Variants in GLIS1 observed in about 807,000 individuals in gnomAD.
GLIS1 encodes zinc finger protein GLIS1.
Under a neutral mutation model 63.8 loss-of-function variants are expected in GLIS1, and 24 were observed. That is an observed-to-expected ratio of 0.38 (90% CI 0.27 to 0.53). GLIS1 has a LOEUF of 0.53. GLIS1 is among the 20% of genes least tolerant of loss of function. The probability of loss-of-function intolerance (pLI) is 0.85; values close to 1 mark genes in which losing one functional copy is unlikely to be tolerated. For synonymous variants in GLIS1, 450 were observed against 482.5 expected, an observed-to-expected ratio of 0.93 and a Z score of 0.88; for missense variants, 1,036 against 1,074.1, an observed-to-expected ratio of 0.96 and a Z score of 0.50.
chr1:53,680,292 G>A lies in GLIS1; in HGVS notation c.259+57514C>T, dbSNP rs932749660. ...ACATAAGCCTCATAGATAGGAACAC[G>A]GAGGCCCAAAACGATTAAGAAAATG... On this transcript the variant is annotated intron_variant, in intron 2 of 10. Transcript: ENST00000628545. Among the ~76,000 whole-genome samples, 14 of 152,252 alleles carry A rather than the reference G, an allele frequency of 9.2e-5. No homozygotes were observed. The East Asian group carries it at 1.9e-3, about 21-fold the overall frequency.
intron 5 of GLIS1, among the ~76,000 whole-genome samples, chr1:53,529,138 A>C (rs1181159254): frequency 2.0e-5 from 3 of 152,238 alleles, no homozygotes; most frequent in Admixed American, 1.3e-4. Flanking sequence ...TATTAACGGC[A>C]CATGGAGGGC....
intron 2 of GLIS1, among the ~76,000 whole-genome samples, chr1:53,605,861 T>G (rs1645364834): frequency 6.6e-6 from 1 of 152,188 alleles, no homozygotes; most frequent in African/African-American, 2.4e-5. Flanking sequence ...CCACAGCAAG[T>G]GCTTAGAAAT....
In GLIS1 at chr1:53,506,443, A is replaced by G; in HGVS notation, c.*176T>C. The G allele has an allele frequency of 1.6e-6, 1 of 639,018 alleles. No homozygotes were observed. Among genetic ancestry groups the G allele is most frequent in the South Asian group, 2.0e-5 (1 of 49,970 alleles). The allele number at this position is 639,018 out of a possible 1,614,324, so 39.6% of individuals were successfully genotyped here. A position where few individuals can be genotyped will look rare whatever the true frequency, so the allele number is the denominator to read the frequency against. On this transcript the variant is annotated 3_prime_UTR_variant, in exon 11 of 11. Transcript: ENST00000628545. ...CTCTGTGCGCCCAGCTCAAGCTCGG[A>G]TGGCGGCTCCCTGGCAGCGCTGGGT...
At chr1:53,542,863 C>G (rs1050753405) in intron 4 of GLIS1, among the ~76,000 whole-genome samples, 20 of 152,214 alleles carry the variant, frequency 1.3e-4, no homozygotes, top group African/African-American at 4.8e-4. Flanking sequence ...GGGAGGTCCC[C>G]TCCCCGCACT....
At chr1:53,547,061 C>T (rs769713564) in intron 4 of GLIS1, among the ~76,000 whole-genome samples, 27 of 152,254 alleles carry the variant, frequency 1.8e-4, no homozygotes, top group Non-Finnish European at 5.9e-5. Flanking sequence ...CTGACTGCAA[C>T]GCTGTGCTCG....
At chr1:53,599,342 C>T (rs1557473425) in intron 3 of GLIS1, among the ~76,000 whole-genome samples, 1 of 152,168 alleles carries the variant, frequency 6.6e-6, no homozygotes, top group Non-Finnish European at 1.5e-5. Flanking sequence ...GGGAGTGGGA[C>T]TGGTGCCTTT....
chr1:53,634,614 G>A (rs1250092615), intron 2 of GLIS1, among the ~76,000 whole-genome samples: 4 of 152,194 alleles, frequency 2.6e-5, no homozygotes, highest in Non-Finnish European at 4.4e-5. Context: ...GGAGAGAAAC[G>A]AGACATTGGG....
chr1:53,702,279 C>A (rs745868797), intron 2 of GLIS1, among the ~76,000 whole-genome samples: 1 of 152,204 alleles, frequency 6.6e-6, no homozygotes, highest in Non-Finnish European at 1.5e-5. Flanking sequence ...AAGGCTTTCT[C>A]CTCACCTGTA....
At chr1:53,733,357 A>G (rs1025186670) in intron 2 of GLIS1, among the ~76,000 whole-genome samples, 1 of 152,236 alleles carries the variant, frequency 6.6e-6, no homozygotes, top group African/African-American at 2.4e-5. Context: ...AGAAATTTAC[A>G]TTTTTAAATC....
At chr1:53,600,986 C>A (rs1166322281) in intron 2 of GLIS1, among the ~76,000 whole-genome samples, 1 of 152,192 alleles carries the variant, frequency 6.6e-6, no homozygotes, top group Non-Finnish European at 1.5e-5. Context: ...TAACAAGAGT[C>A]AGGCGTGCTT....
chr1:53,562,415 C>T (rs777433863), intron 4 of GLIS1, among the ~76,000 whole-genome samples: 2 of 152,134 alleles, frequency 1.3e-5, no homozygotes, highest in South Asian at 4.2e-4. Context: ...GGGAAAACAA[C>T]GAGGGTCACC....
In GLIS1 at chr1:53,737,807, C is replaced by G; in HGVS notation, c.258G>C (p.Lys86Asn). 1 of 1,231,042 alleles carries G rather than the reference C, an allele frequency of 8.1e-7. No individual in the cohort carries two copies. The highest frequency in any genetic ancestry group is 1.0e-6 in the Non-Finnish European group (1 of 987,454). The allele number at this position is 1,231,042 out of a possible 1,614,324, so 76.3% of individuals were successfully genotyped here. A position where few individuals can be genotyped will look rare whatever the true frequency, so the allele number is the denominator to read the frequency against. ...GCACGTTGGCAGGGCCGAACTCACC[C>G]TTCCCGGCGGCGGCGGCCTTGGATG... ...YGPSKAAAAG[K>N]VNGSYGHRTP... Residue 86 changes from lysine (K) to asparagine (N), a missense_variant and splice_region_variant, in exon 2 of 11, where the codon AAG becomes AAC. Lys to Asn is a moderately conservative substitution (Grantham distance 94). This residue lies in a region of GLIS1 where 592 missense variants were observed against 593.9 expected (regional missense o/e 1.00). Transcript: ENST00000628545.
intron 2 of GLIS1, among the ~76,000 whole-genome samples, chr1:53,633,541 G>A (rs960409406): frequency 6.6e-5 from 10 of 152,070 alleles, no homozygotes; most frequent in Admixed American, 5.9e-4. Context: ...GAATGTGTGT[G>A]ACGGGGGACC....
At chr1:53,587,242 G>A (rs1344036174) in intron 4 of GLIS1, among the ~76,000 whole-genome samples, 3 of 152,196 alleles carry the variant, frequency 2.0e-5, no homozygotes, top group South Asian at 2.1e-4. Flanking sequence ...CGGATGACAT[G>A]AGGCCATGGT....
intron 2 of GLIS1, among the ~76,000 whole-genome samples, chr1:53,633,415 TATGAGTGTGACTGAGGGGTGTGA>T (rs1383098584): frequency 6.3e-5 from 9 of 143,122 alleles, no homozygotes; most frequent in South Asian, 2.3e-4. Context: ...GGGGTGTGTG[TATGAGTGTGACTGAGGGGTGTGA>T]ATGAGTGTGA....
chr1:53,575,153 T>A (rs1645020786), intron 4 of GLIS1, among the ~76,000 whole-genome samples: 1 of 152,126 alleles, frequency 6.6e-6, no homozygotes. Context: ...AATTAAATTA[T>A]CTGTGAGTTA....
At chr1:53,585,223 A>T (rs1238184554) in intron 4 of GLIS1, among the ~76,000 whole-genome samples, 1 of 151,806 alleles carries the variant, frequency 6.6e-6, no homozygotes, top group Admixed American at 6.6e-5. Flanking sequence ...AAAAATGGGG[A>T]GGTGGGGGAA....
Position 53,520,617 on chromosome 1 carries a change from C to T in GLIS1, c.1726+17G>A, listed in dbSNP as rs1644397821. 1 of 1,594,748 alleles carries T rather than the reference C, an allele frequency of 6.3e-7. No homozygotes were observed. Among genetic ancestry groups the T allele is most frequent in the Non-Finnish European group, 8.5e-7 (1 of 1,171,286 alleles). ...CTCCTGGGCTACGCCCCTGGCCCTG[C>T]CTCCCCGCACACGTACCTGGGAGCA... is the stretch of plus-strand genomic sequence containing the variant. On this transcript the variant is annotated intron_variant, in intron 7 of 10. Transcript: ENST00000628545.
intron 8 of GLIS1, among the ~76,000 whole-genome samples, chr1:53,512,389 C>T (rs907876156): frequency 2.0e-5 from 3 of 152,214 alleles, no homozygotes; most frequent in Admixed American, 6.5e-5. Flanking sequence ...CCCTATTCGG[C>T]GTCTTCTCTG....
Sources: gnomAD v4.1 joint callset for allele counts (sites outside exome capture counted in the v4.1 genomes callset) on GRCh38, gnomAD v4.1.1 for gene constraint, gnomAD v4.1.1 regional missense constraint, MANE v1.5 for transcripts, NCBI Gene and HGNC (gene_info 2026-07-23, HGNC 2026-07-21) for gene names.